TTC21B: variants seen among roughly 807,000 people sequenced by gnomAD.
TTC21B encodes the protein tetratricopeptide repeat protein 21B.
A neutral mutation model predicts 175.1 loss-of-function variants in TTC21B; 127 were observed. The ratio of observed to expected loss-of-function variants is 0.73; its 90% confidence interval spans 0.63 to 0.84. TTC21B has a LOEUF of 0.84. Ranked by LOEUF, TTC21B falls within the 40% of genes least tolerant of loss-of-function variation. The pLI is 0.00. For missense variants in TTC21B, 1,561 were observed against 1,558.3 expected (o/e 1.00, Z -0.03); for synonymous variants, 524 against 524.5 (o/e 1.00, Z 0.01).
Position 165,929,458 on chromosome 2 carries a change from A to G in TTC21B, c.1186-123T>C, listed in dbSNP as rs936587420. 6.3e-6 allele frequency: 6 copies of G among 952,700 alleles called. No homozygotes were observed. In the Admixed American group the frequency reaches 1.3e-4, roughly 21 times the overall value. 59.0% of individuals were successfully genotyped at this position (952,700 alleles called of 1,614,324 possible). On this transcript the variant is annotated intron_variant, in intron 10 of 28. Transcript: ENST00000243344. ...AATTATTTGTTCAAACTCAAGTATT[A>G]GCTTGAATAGACTTTTAGAATCATT...
chr2:165,936,771 C>A (rs1687166924), intron 6 of TTC21B, among the ~76,000 whole-genome samples: 2 of 151,954 alleles, frequency 1.3e-5, no homozygotes, highest in Non-Finnish European at 2.9e-5. Flanking sequence ...ATTAGAATGG[C>A]CAAAATCCAG....
At chr2:165,883,150 A>C (rs1432916034) in intron 26 of TTC21B, among the ~76,000 whole-genome samples, 2 of 152,168 alleles carry the variant, frequency 1.3e-5, no homozygotes, top group African/African-American at 4.8e-5. Flanking sequence ...ATGAAGATAA[A>C]TATCATTTCT....
At chr2:165,914,915 C>A (rs1686107739) in intron 15 of TTC21B, among the ~76,000 whole-genome samples, 1 of 151,898 alleles carries the variant, frequency 6.6e-6, no homozygotes, top group Non-Finnish European at 1.5e-5. Context: ...ACACAGGGTA[C>A]AATTTCCCTT....
At chr2:165,907,588 A>G (rs1279222267) in intron 19 of TTC21B, 90 bp downstream of exon 19, 1 of 848,524 alleles carries the variant, frequency 1.2e-6, no homozygotes, top group Non-Finnish European at 2.0e-6. Context: ...CTGTTTGGCC[A>G]AAAGAGATTG....
intron 11 of TTC21B, 21 bp downstream of exon 11, chr2:165,929,114 G>A: frequency 6.2e-7 from 1 of 1,606,794 alleles, no homozygotes; most frequent in African/African-American, 1.3e-5. Context: ...ATCCTTGAAA[G>A]TAAGTCCCAT....
Position 165,919,215 on chromosome 2 carries a change from T to C in TTC21B, c.1674+61A>G, listed in dbSNP as rs1162702784. On this transcript the variant is annotated intron_variant, in intron 13 of 28. Transcript: ENST00000243344. ...ACTACAGGCTAAAACACAAAATACT[T>C]GAATATGTAAGCTTTCAAGGAGGGT... 3.2e-6 allele frequency: 5 copies of C among 1,585,044 alleles called. No homozygotes were observed. In the East Asian group the frequency reaches 9.0e-5, roughly 28 times the overall value.
intron 11 of TTC21B, among the ~76,000 whole-genome samples, chr2:165,925,373 G>C (rs1275321341): frequency 6.6e-6 from 1 of 151,990 alleles, no homozygotes; most frequent in African/African-American, 2.4e-5. Flanking sequence ...TTTATCCAAT[G>C]GTCATCCAAT....
intron 22 of TTC21B, among the ~76,000 whole-genome samples, chr2:165,896,692 G>A (rs142078712): frequency 1.7e-3 from 252 of 152,222 alleles, no homozygotes; most frequent in Non-Finnish European, 2.7e-3. Flanking sequence ...AGCATATTCC[G>A]GGAAGTAGAA....
rs369005097 is a variant in TTC21B at position 165,901,758 on chromosome 2, A to G, written c.2721T>C (p.Tyr907=). 40 of 1,614,058 alleles carry G rather than the reference A, an allele frequency of 2.5e-5. No homozygotes were observed. The highest frequency in any genetic ancestry group is 3.2e-5 in the Non-Finnish European group (38 of 1,180,018). The change falls in exon 20 of 29, where the codon TAT becomes TAC. Residue 907 remains tyrosine, a synonymous_variant. Transcript: ENST00000243344. ...TTTCGCAGTGAACCAGAGCCTCTCT[A>G]TAAAACTTAATTGCTTTTTCATAGT... is the stretch of plus-strand genomic sequence containing the variant. ...QRDYEKAIKF[Y]REALVHCETD...
In TTC21B at chr2:165,927,007, T is replaced by TAC. The variant is rs1197251668; in HGVS notation, c.1386+2127_1386+2128insGT. 3.8e-5 allele frequency among the ~76,000 whole-genome samples: 5 copies of TAC among 131,454 alleles called. 2 individuals are homozygous for TAC. The highest frequency in any genetic ancestry group is 1.5e-4 in the African/African-American group (5 of 33,186). 86.2% of individuals were successfully genotyped at this position (131,454 alleles called of 152,430 possible). ...ATAAACTCCCATATATATATATATA[T>TAC]ATATATATATCTCCTAGTAGTTATA... On this transcript the variant is annotated intron_variant, in intron 11 of 28. Coordinates refer to ENST00000243344, the MANE Select transcript of TTC21B (RefSeq NM_024753.5).
At chr2:165,943,029 C>G (rs1687426431) in intron 5 of TTC21B, among the ~76,000 whole-genome samples, 190 bp downstream of exon 5, 1 of 152,212 alleles carries the variant, frequency 6.6e-6, no homozygotes, top group Admixed American at 6.5e-5. Flanking sequence ...TTCAGGAACT[C>G]TGGCAGGGAA....
intron 6 of TTC21B, among the ~76,000 whole-genome samples, chr2:165,937,013 T>C (rs556299255): frequency 6.6e-6 from 1 of 152,192 alleles, no homozygotes; most frequent in Non-Finnish European, 1.5e-5. Context: ...TATAGTAGCT[T>C]TATTCATAAA....
chr2:165,945,556 T>G lies in TTC21B; in HGVS notation c.397A>C (p.Arg133=). The stretch of plus-strand genomic sequence containing the variant: ...CTACCATCTGATATTTTGATCATTC[T>G]GTCAATATATTCCCTTGCTTTATCA... ...RHDKAREYID[R]MIKISDGSKQ... The change falls in exon 4 of 29, where the codon AGA becomes CGA. Residue 133 remains arginine, a synonymous_variant. Coordinates refer to ENST00000243344, the MANE Select transcript of TTC21B (RefSeq NM_024753.5). 6.2e-7 allele frequency: 1 copy of G among 1,613,708 alleles called. No homozygotes were observed. Among genetic ancestry groups the G allele is most frequent in the Non-Finnish European group, 8.5e-7 (1 of 1,179,902 alleles).
chr2:165,952,722 A>G (rs1033889150), intron 1 of TTC21B, among the ~76,000 whole-genome samples: 2 of 152,220 alleles, frequency 1.3e-5, no homozygotes, highest in South Asian at 4.1e-4. Flanking sequence ...GAAAAACAAG[A>G]CATTTCAGCA....
chr2:165,953,640 T>A (rs1559080760), intron 1 of TTC21B, 45 bp downstream of exon 1: 1 of 1,288,234 alleles, frequency 7.8e-7, no homozygotes, highest in East Asian at 2.6e-5. Context: ...GCAAAGGAAC[T>A]CCGCCCGCCC....
In TTC21B at chr2:165,927,302, ATATAT is replaced by A. The variant is rs1266610294; in HGVS notation, c.1386+1828_1386+1832del. On this transcript the variant is annotated intron_variant, in intron 11 of 28. Coordinates refer to ENST00000243344, the MANE Select transcript of TTC21B (RefSeq NM_024753.5). ...TATATATATCCTAGTAGTTATATATATATATTATATATTATATAATATATATATAA... is the reference window on the plus strand; with the variant it reads ...TATATATATCCTAGTAGTTATATATATATATATTATATAATATATATATAA... 6.2e-3 allele frequency among the ~76,000 whole-genome samples: 668 copies of A among 107,736 alleles called. 54 individuals carry two copies. Among genetic ancestry groups the A allele is most frequent in the African/African-American group, 0.025 (650 of 26,272 alleles). 70.7% of individuals were successfully genotyped at this position (107,736 alleles called of 152,430 possible).
chr2:165,934,500 C>CAAAAAAAAAAAAA (rs369089707), intron 6 of TTC21B, among the ~76,000 whole-genome samples: 96 of 71,850 alleles, frequency 1.3e-3, no homozygotes, highest in East Asian at 4.0e-3. Context: ...GACTCTGTCT[C>CAAAAAAAAAAAAA]AAAAAAAAAA....
At position 165,887,641 on chromosome 2, in the gene TTC21B, C is replaced by A. The variant is rs187416041; in HGVS notation, c.3459+638G>T. ...GGCGGAGGTTGCAGTGAGCTGAGAT[C>A]GCGCCATTGCACTCCAGCCTGGGCG... On this transcript the variant is annotated intron_variant, in intron 25 of 28. Coordinates refer to ENST00000243344, the MANE Select transcript of TTC21B (RefSeq NM_024753.5). Among the ~76,000 whole-genome samples, 5 of 151,694 alleles carry A rather than the reference C, an allele frequency of 3.3e-5. 1 individual carries two copies. The highest frequency in any genetic ancestry group is 1.3e-4 in the Admixed American group (2 of 15,218).
chr2:165,886,660 G>A (rs1406120823), intron 25 of TTC21B, among the ~76,000 whole-genome samples: 2 of 152,094 alleles, frequency 1.3e-5, no homozygotes, highest in African/African-American at 2.4e-5. Context: ...ACAGAAAGCA[G>A]GCATAGTCCT....
Sources: allele counts gnomAD v4.1 joint callset (sites outside exome capture counted in the v4.1 genomes callset), GRCh38; gene constraint gnomAD v4.1.1; transcripts MANE v1.5; gene names NCBI Gene and HGNC (gene_info 2026-07-23, HGNC 2026-07-21).